Variants in NEMF observed in about 807,000 individuals in gnomAD.
NEMF encodes ribosome quality control complex subunit NEMF.
NEMF carries 89 observed loss-of-function variants against 162.2 expected under a neutral mutation model. The observed-to-expected ratio is 0.55, with a 90% CI of 0.46 to 0.65. The LOEUF is 0.65. Ranked by LOEUF, NEMF falls within the 30% of genes least tolerant of loss-of-function variation. NEMF has a pLI of 0.00. For synonymous variants in NEMF, 421 were observed against 404.5 expected, an observed-to-expected ratio of 1.04 and a Z score of -0.49; for missense variants, 1,133 against 1,261.9, an observed-to-expected ratio of 0.90 and a Z score of 1.55.
intron 18 of NEMF, among the ~76,000 whole-genome samples, chr14:49,811,257 C>G (rs1891465676): frequency 6.6e-6 from 1 of 152,114 alleles, no homozygotes; most frequent in Non-Finnish European, 1.5e-5. Context: ...AGATTGTTCA[C>G]TGGTAGTGTA....
chr14:49,792,287 C>T (rs1890489888), intron 26 of NEMF, among the ~76,000 whole-genome samples: 1 of 152,176 alleles, frequency 6.6e-6, no homozygotes, highest in Non-Finnish European at 1.5e-5. Flanking sequence ...ATGACCTTGG[C>T]TCATTGCAAC....
rs1890056382 is a variant in NEMF at position 49,784,304 on chromosome 14, A to T, written c.*332T>A. On this transcript the variant is annotated 3_prime_UTR_variant, in exon 33 of 33. Coordinates refer to ENST00000298310, the MANE Select transcript of NEMF (RefSeq NM_004713.6). Reference sequence around the variant, plus strand: ...GACTTACCAAGTCAATAGTTTAAGCAATCAAGCCACTTCACTGTTCAGTTT... The same window carrying T: ...GACTTACCAAGTCAATAGTTTAAGCTATCAAGCCACTTCACTGTTCAGTTT... 6 of 193,578 alleles carry T rather than the reference A, an allele frequency of 3.1e-5. No individual in the cohort carries two copies. Among genetic ancestry groups the T allele is most frequent in the Admixed American group, 5.6e-5 (1 of 17,828 alleles). The allele number at this position is 193,578 out of a possible 1,614,324, so 12.0% of individuals were successfully genotyped here.
intron 6 of NEMF, among the ~76,000 whole-genome samples, chr14:49,837,827 A>C (rs543148838): frequency 6.6e-5 from 10 of 151,954 alleles, no homozygotes; most frequent in South Asian, 2.1e-4. Context: ...AAAAAAAAAA[A>C]AAAAAACCAA....
At chr14:49,803,343 G>C in intron 19 of NEMF, 49 bp from the exon 20 acceptor site, 1 of 1,331,584 alleles carries the variant, frequency 7.5e-7, no homozygotes. Flanking sequence ...AAATACTCTA[G>C]TTTTCTTTTT....
rs547260183 is a variant in NEMF at position 49,838,906 on chromosome 14, T to C, written c.507-700A>G. 2.0e-5 allele frequency among the ~76,000 whole-genome samples: 3 copies of C among 151,812 alleles called. No homozygotes were observed. In the South Asian group the frequency reaches 6.3e-4, roughly 32 times the overall value. ...GCCAGCATCTAACAACTTTTAACAA[T>C]GCTGTACATCAATGTGGTCCCCATA... On this transcript the variant is annotated intron_variant, in intron 5 of 32. Transcript: ENST00000298310.
At chr14:49,810,645 T>C (rs1354781319) in intron 18 of NEMF, among the ~76,000 whole-genome samples, 1 of 152,126 alleles carries the variant, frequency 6.6e-6, no homozygotes, top group Non-Finnish European at 1.5e-5. Context: ...TCTCCTTGCA[T>C]TACCACATGA....
chr14:49,802,019 G>A (rs911034581), intron 22 of NEMF, among the ~76,000 whole-genome samples: 6 of 150,756 alleles, frequency 4.0e-5, no homozygotes, highest in African/African-American at 9.8e-5. Context: ...TGGCAGTGGC[G>A]TGATCTAGGC....
At chr14:49,841,014 T>A in intron 4 of NEMF, 148 bp from the exon 5 acceptor site, 1 of 627,024 alleles carries the variant, frequency 1.6e-6, no homozygotes, top group Non-Finnish European at 2.6e-6. Context: ...CTGGCCAACA[T>A]GGTGAAATTC....
intron 3 of NEMF, among the ~76,000 whole-genome samples, chr14:49,851,299 G>T (rs752626777): frequency 1.8e-4 from 27 of 152,220 alleles, no homozygotes; most frequent in Non-Finnish European, 3.8e-4. Flanking sequence ...TACAGTTAAG[G>T]AACTGTAAGG....
rs570423944 is a variant in NEMF, at chr14:49,852,723, G to A, written c.31C>T (p.Arg11Cys). ...GCATTCAGCTCCGCGAGTACGGCGC[G>A]GAGGTCAATGGTGCTAAAGCGGCTC... MKSRFSTIDL[R>C]AVLAELNASL... The change falls in exon 1 of 33, where the codon CGC becomes TGC. Residue 11 changes from arginine to cysteine, a missense_variant. This residue lies in a region of NEMF where 582 missense variants were observed against 631.5 expected (regional missense o/e 0.92). Coordinates refer to ENST00000298310, the MANE Select transcript of NEMF (RefSeq NM_004713.6). 15 of 1,614,254 alleles carry A rather than the reference G, an allele frequency of 9.3e-6. No individual in the cohort carries two copies. In the South Asian group the frequency reaches 1.6e-4, roughly 18 times the overall value.
chr14:49,838,126 C>G lies in NEMF; in HGVS notation c.574+13G>C. On this transcript the variant is annotated intron_variant, in intron 6 of 32. Coordinates refer to ENST00000298310, the MANE Select transcript of NEMF (RefSeq NM_004713.6). Reference sequence around the variant, plus strand: ...CTTGCAAACATTTCACTGCTATTTGCAGGAATACTCACGAAGTAATGGGTT... The same window carrying G: ...CTTGCAAACATTTCACTGCTATTTGGAGGAATACTCACGAAGTAATGGGTT... 1 of 1,598,386 alleles carries G rather than the reference C, an allele frequency of 6.3e-7. No individual in the cohort carries two copies. The highest frequency in any genetic ancestry group is 8.6e-7 in the Non-Finnish European group (1 of 1,167,488).
intron 18 of NEMF, among the ~76,000 whole-genome samples, chr14:49,811,039 T>C (rs543847517): frequency 8.5e-5 from 13 of 152,300 alleles, no homozygotes; most frequent in Middle Eastern, 3.4e-3. Context: ...AGTGAATTCC[T>C]AGATTACTGG....
At chr14:49,822,257 C>G (rs1892105003) in intron 16 of NEMF, among the ~76,000 whole-genome samples, 1 of 150,896 alleles carries the variant, frequency 6.6e-6, no homozygotes, top group Non-Finnish European at 1.5e-5. Context: ...CCAAATCCCC[C>G]TCTGCGAGAA....
intron 17 of NEMF, among the ~76,000 whole-genome samples, 177 bp from the exon 18 acceptor site, chr14:49,814,227 G>A (rs926382995): frequency 1.3e-5 from 2 of 151,782 alleles, no homozygotes; most frequent in Admixed American, 6.6e-5. Flanking sequence ...AGCCTCCCAA[G>A]TAGCTGGGAT....
At chr14:49,799,108 C>G (rs1168164134) in intron 25 of NEMF, among the ~76,000 whole-genome samples, 1 of 140,926 alleles carries the variant, frequency 7.1e-6, no homozygotes, top group African/African-American at 2.6e-5. Flanking sequence ...ACTCAGGAGG[C>G]TGAAGCAGGA....
Position 49,846,609 on chromosome 14 carries a change from C to T in NEMF, c.232-344G>A, listed in dbSNP as rs570435762. 2.0e-5 allele frequency among the ~76,000 whole-genome samples: 3 copies of T among 151,990 alleles called. No homozygotes were observed. In the South Asian group the frequency reaches 6.2e-4, roughly 32 times the overall value. ...GCCTCCTGAGGATTGGGACCACAGGCACATGCCACTATCCCCAGCTAATTT... is the reference window on the plus strand; with the variant it reads ...GCCTCCTGAGGATTGGGACCACAGGTACATGCCACTATCCCCAGCTAATTT... On this transcript the variant is annotated intron_variant, in intron 3 of 32. Transcript: ENST00000298310.
intron 18 of NEMF, among the ~76,000 whole-genome samples, chr14:49,813,648 A>C (rs1392464705): frequency 2.2e-5 from 3 of 133,828 alleles, no homozygotes; most frequent in Non-Finnish European, 4.7e-5. Flanking sequence ...TTATCATTAC[A>C]TCTTTTTTTA....
At chr14:49,820,676 T>C (rs1180264358) in intron 16 of NEMF, among the ~76,000 whole-genome samples, 1 of 152,120 alleles carries the variant, frequency 6.6e-6, no homozygotes, top group African/African-American at 2.4e-5. Context: ...GAGCCAAAGC[T>C]GGACTGTGCT....
At chr14:49,791,513 C>G (rs983603318) in intron 26 of NEMF, among the ~76,000 whole-genome samples, 1 of 149,444 alleles carries the variant, frequency 6.7e-6, no homozygotes, top group African/African-American at 2.5e-5. Context: ...CCGAGGCAGG[C>G]GGATCACAAG....
Sources: allele counts gnomAD v4.1 joint callset (sites outside exome capture counted in the v4.1 genomes callset), GRCh38; gene constraint gnomAD v4.1.1; regional missense constraint gnomAD v4.1.1; transcripts MANE v1.5; gene names NCBI Gene and HGNC (gene_info 2026-07-23, HGNC 2026-07-21).